The following CEP350 variants were observed in gnomAD, a reference collection of about 807,000 sequenced individuals.
CEP350 encodes the protein centrosome-associated protein 350.
In CEP350, 126 loss-of-function variants were observed where a neutral mutation model predicts 331.8. The observed-to-expected ratio is 0.38, with a 90% confidence interval of 0.33 to 0.44. The LOEUF (loss-of-function observed/expected upper bound fraction) is 0.44. Ranked by LOEUF, CEP350 falls within the 20% of genes least tolerant of loss-of-function variation. The probability of loss-of-function intolerance (pLI) is 1.00; values close to 1 mark genes in which losing one functional copy is unlikely to be tolerated. For synonymous variants in CEP350, 1,200 were observed against 1,259.5 expected, an observed-to-expected ratio of 0.95 and a Z score of 1.00; for missense variants, 3,406 against 3,634.6, an observed-to-expected ratio of 0.94 and a Z score of 1.62.
rs148992531 is a variant in CEP350 at position 180,092,666 on chromosome 1, A to C, written c.6561A>C (p.Ala2187=). 7 of 1,612,128 alleles carry C rather than the reference A, an allele frequency of 4.3e-6. No homozygotes were observed. The highest frequency in any genetic ancestry group is 4.5e-5 in the East Asian group (2 of 44,818). ...CAGTATCAGAAAGGTCTTTATCTGC[A>C]TATGCAAAGAGAGTAAATGAATGGG... is the stretch of plus-strand genomic sequence containing the variant. ...ERSVSERSLS[A]YAKRVNEWDS... Residue 2187 remains alanine, a synonymous_variant, in exon 34 of 38, where the codon GCA becomes GCC. Transcript: ENST00000367607.
chr1:180,037,162 CTT>C (rs1656412417), intron 17 of CEP350, 73 bp downstream of exon 17: 1 of 1,316,274 alleles, frequency 7.6e-7, no homozygotes, highest in Non-Finnish European at 1.0e-6. Context: ...TTAATGATGA[CTT>C]AAACTACTGT....
intron 1 of CEP350, among the ~76,000 whole-genome samples, chr1:179,966,210 TATAAAGAG>T (rs1441688508): frequency 1.1e-4 from 17 of 152,208 alleles, no homozygotes; most frequent in Non-Finnish European, 1.9e-4. Context: ...ATTTGCCTTC[TATAAAGAG>T]TCTTTTTATA....
intron 22 of CEP350, among the ~76,000 whole-genome samples, chr1:180,050,690 A>AG (rs1657440596): frequency 6.8e-6 from 1 of 147,080 alleles, no homozygotes; most frequent in South Asian, 2.1e-4. Context: ...AAAAAAAAAA[A>AG]CAAAAAAACC....
chr1:180,065,706 T>C (rs1010659678), intron 27 of CEP350, among the ~76,000 whole-genome samples: 1 of 151,768 alleles, frequency 6.6e-6, no homozygotes, highest in Non-Finnish European at 1.5e-5. Context: ...TGCAGTGAGC[T>C]ATGATTGTGC....
chr1:180,099,051 T>G (rs1056646734), intron 37 of CEP350, 66 bp downstream of exon 37: 27 of 1,502,482 alleles, frequency 1.8e-5, no homozygotes, highest in Non-Finnish European at 2.4e-5. Context: ...TGCAGTTAGA[T>G]TCTAAAAGGA....
chr1:179,984,814 A>G (rs1029738658), intron 1 of CEP350, among the ~76,000 whole-genome samples: 1 of 152,178 alleles, frequency 6.6e-6, no homozygotes. Context: ...TTAGGGAGTA[A>G]TGAGTTTTTA....
At chr1:180,035,669 C>T (rs988134063) in intron 16 of CEP350, among the ~76,000 whole-genome samples, 2 of 152,020 alleles carry the variant, frequency 1.3e-5, no homozygotes. Flanking sequence ...ACCTACTGCC[C>T]AGAAAAATAA....
Position 180,062,313 on chromosome 1 carries a change from C to A in CEP350, c.5356C>A (p.Gln1786Lys). Reference protein sequence around the residue: ...KQQEEIEKIRQTTIKLQEKLK... With the variant: ...KQQEEIEKIRKTTIKLQEKLK... ...GCAGGAGGAGATAGAAAAGATCCGA[C>A]AGACCACCATAAAACTACAGGAGAA... The change falls in exon 26 of 38, where the codon CAG (glutamine) becomes AAG (lysine). Residue 1786 changes from glutamine to lysine, a missense_variant. Physicochemically the swap from Gln to Lys is moderately conservative, Grantham distance 53 (BLOSUM62 1). This residue lies in a region of CEP350 where 1,415 missense variants were observed against 1,512.3 expected (regional missense o/e 0.94). Coordinates refer to ENST00000367607, the MANE Select transcript of CEP350 (RefSeq NM_014810.5). The A allele has an allele frequency of 3.1e-6, 5 of 1,610,804 alleles. No homozygotes were observed. Among genetic ancestry groups the A allele is most frequent in the Non-Finnish European group, 4.2e-6 (5 of 1,178,264 alleles).
chr1:180,022,064 C>T (rs1052609765), intron 12 of CEP350, among the ~76,000 whole-genome samples: 2 of 152,128 alleles, frequency 1.3e-5, no homozygotes, highest in Non-Finnish European at 2.9e-5. Context: ...TCCTCTTATG[C>T]TCAACTGGGT....
In CEP350 at chr1:179,957,553, T is replaced by C. The variant is rs555166453; in HGVS notation, c.-14+2411T>C. On this transcript the variant is annotated intron_variant, in intron 1 of 37. Coordinates refer to ENST00000367607, the MANE Select transcript of CEP350 (RefSeq NM_014810.5). The stretch of plus-strand genomic sequence containing the variant: ...ACTATTATGCACCCAGTGCCTAGCA[T>C]ATGGTAACATAGTCAATAAATACTA... Among the ~76,000 whole-genome samples, 5 of 152,342 alleles carry C rather than the reference T, an allele frequency of 3.3e-5. No homozygotes were observed. The South Asian group carries it at 8.3e-4, about 25-fold the overall frequency.
At chr1:180,056,079 A>T (rs1164411805) in intron 25 of CEP350, among the ~76,000 whole-genome samples, 2 of 152,018 alleles carry the variant, frequency 1.3e-5, no homozygotes, top group African/African-American at 2.4e-5. Flanking sequence ...TTTCATTTTG[A>T]TACATCTGGT....
At chr1:179,997,934 A>G (rs1194019247) in intron 6 of CEP350, among the ~76,000 whole-genome samples, 1 of 152,040 alleles carries the variant, frequency 6.6e-6, no homozygotes, top group Non-Finnish European at 1.5e-5. Flanking sequence ...TACCATCCTC[A>G]TATTTAAGAA....
Position 180,039,268 on chromosome 1 carries a change from A to AAGAAAGGG in CEP350, c.4111-1868_4111-1867insAAAGGGAG, listed in dbSNP as rs1314566541. Among the ~76,000 whole-genome samples, 260 of 68,450 alleles carry AAGAAAGGG rather than the reference A, an allele frequency of 3.8e-3. 1 individual carries two copies. Among genetic ancestry groups the AAGAAAGGG allele is most frequent in the Non-Finnish European group, 6.6e-3 (199 of 30,148 alleles). 44.9% of individuals were successfully genotyped at this position (68,450 alleles called of 152,430 possible). ...GTCTCAAAAAAAAAAGGAAGAAAGGAAGGAAGGGAGGGAGGGAGGGAGGGG... is the reference window on the plus strand; with the variant it reads ...GTCTCAAAAAAAAAAGGAAGAAAGGAAGAAAGGGAGGAAGGGAGGGAGGGAGGGAGGGG... On this transcript the variant is annotated intron_variant, in intron 17 of 37. Transcript: ENST00000367607.
In CEP350 at chr1:180,052,936, A is replaced by C. The variant is rs895364048; in HGVS notation, c.4793-34A>C. ...TTGAATACCTACTGAGAACAATTATAATGATAAAATCTACTTTCTCCATAT... is the reference window on the plus strand; with the variant it reads ...TTGAATACCTACTGAGAACAATTATCATGATAAAATCTACTTTCTCCATAT... On this transcript the variant is annotated intron_variant, in intron 22 of 37. Transcript: ENST00000367607. 3.7e-6 allele frequency: 3 copies of C among 813,526 alleles called. No homozygotes were observed. In the Admixed American group the frequency reaches 7.2e-5, roughly 20 times the overall value. 50.4% of individuals were successfully genotyped at this position (813,526 alleles called of 1,614,324 possible).
At chr1:180,107,400 C>T (rs1322549435) in intron 37 of CEP350, among the ~76,000 whole-genome samples, 1 of 152,184 alleles carries the variant, frequency 6.6e-6, no homozygotes, top group Non-Finnish European at 1.5e-5. Flanking sequence ...TAGCCAGGCA[C>T]GGTGGCTCAC....
Position 180,093,996 on chromosome 1 carries a change from A to G in CEP350, c.7891A>G (p.Arg2631Gly). The G allele has an allele frequency of 6.2e-7, 1 of 1,613,880 alleles. No individual in the cohort carries two copies. The highest frequency in any genetic ancestry group is 8.5e-7 in the Non-Finnish European group (1 of 1,179,806). ...TATAGAAGCCTCAGTTAATAGAAGT[A>G]GAAGCCTTAAAATAGAAACAGACAA... ...NDIEASVNRS[R>G]SLKIETDNVQ... Residue 2631 changes from arginine to glycine, a missense_variant, in exon 34 of 38, where the codon AGA (arginine) becomes GGA (glycine). Transcript: ENST00000367607.
chr1:180,105,281 G>A lies in CEP350; in HGVS notation c.9190-5716G>A, dbSNP rs75598308. Among the ~76,000 whole-genome samples, 491 of 152,026 alleles carry A rather than the reference G, an allele frequency of 3.2e-3. 25 individuals carry two copies. The East Asian group carries it at 0.088, about 27-fold the overall frequency. ...TGTTGGTTCATCCTCACCTTGAAATGTTGGCATGCTCCTGGAATCCGCCCA... is the reference window on the plus strand; with the variant it reads ...TGTTGGTTCATCCTCACCTTGAAATATTGGCATGCTCCTGGAATCCGCCCA... On this transcript the variant is annotated intron_variant, in intron 37 of 37. Coordinates refer to ENST00000367607, the MANE Select transcript of CEP350 (RefSeq NM_014810.5).
intron 6 of CEP350, among the ~76,000 whole-genome samples, chr1:179,998,009 CT>C (rs56355350): frequency 0.8 from 117,470 of 147,184 alleles, 46,908 homozygotes; most frequent in Admixed American, 0.86. Flanking sequence ...CTCTTTAGAG[CT>C]TTTTTTTTTT....
In CEP350 at chr1:180,003,204, C is replaced by T. The variant is rs1211357758; in HGVS notation, c.1049C>T (p.Thr350Ile). The part of the protein sequence containing the change: ...GFNPSETKIR[T>I]PDGKVWQEAE... The stretch of plus-strand genomic sequence containing the variant: ...AACCCTTCAGAGACCAAGATTCGAA[C>T]ACCTGATGGGAAAGTGTGGCAGGAG... The change falls in exon 7 of 38, where the codon ACA becomes ATA. Residue 350 changes from threonine (T) to isoleucine (I), a missense_variant. Coordinates refer to ENST00000367607, the MANE Select transcript of CEP350 (RefSeq NM_014810.5). The T allele has an allele frequency of 6.2e-7, 1 of 1,613,230 alleles. No homozygotes were observed. The highest frequency in any genetic ancestry group is 8.5e-7 in the Non-Finnish European group (1 of 1,179,532).
Sources: gnomAD v4.1 joint callset for allele counts (sites outside exome capture counted in the v4.1 genomes callset) on GRCh38, gnomAD v4.1.1 for gene constraint, gnomAD v4.1.1 regional missense constraint, MANE v1.5 for transcripts, NCBI Gene and HGNC (gene_info 2026-07-23, HGNC 2026-07-21) for gene names.